NUDT6: variants seen among roughly 807,000 people sequenced by gnomAD.
NUDT6 encodes nudix hydrolase 6, also known as FAD diphosphatase NUDT6.
NUDT6 carries 24 observed loss-of-function variants against 36.8 expected under a neutral mutation model. That is an observed-to-expected ratio of 0.65 (90% CI 0.47 to 0.92). The LOEUF (loss-of-function observed/expected upper bound fraction) is 0.92. Ranked by LOEUF, NUDT6 falls within the 40% of genes least tolerant of loss-of-function variation. NUDT6 has a pLI of 0.00. For synonymous variants in NUDT6, 163 were observed against 157.0 expected (o/e 1.04, Z -0.29); for missense variants, 388 against 392.8 (o/e 0.99, Z 0.10).
chr4:122,899,291 A>C (rs1309989454), intron 3 of NUDT6, among the ~76,000 whole-genome samples: 1 of 152,118 alleles, frequency 6.6e-6, no homozygotes, highest in East Asian at 1.9e-4. Context: ...AGAGATTGTT[A>C]ATTAAATCTG....
intron 3 of NUDT6, 58 bp from the exon 4 acceptor site, chr4:122,897,736 T>C (rs1459041515): frequency 3.5e-6 from 4 of 1,150,204 alleles, no homozygotes; most frequent in East Asian, 2.4e-5. Context: ...CACACATATG[T>C]AGATTTCACA....
At chr4:122,897,599 A>T in intron 4 of NUDT6, 25 bp downstream of exon 4, 1 of 1,498,244 alleles carries the variant, frequency 6.7e-7, no homozygotes. Flanking sequence ...TTTTTAAGCC[A>T]ATTAAAAATA....
rs201756886 is a variant in NUDT6, at chr4:122,922,514, G to A, written c.59C>T (p.Pro20Leu). The change falls in exon 1 of 5, where the codon CCC (proline) becomes CTC (leucine). Residue 20 changes from proline (P) to leucine (L), a missense_variant. Pro to Leu is a moderately conservative substitution (Grantham distance 98). Coordinates refer to ENST00000304430, the MANE Select transcript of NUDT6 (RefSeq NM_007083.5). ...WRAMLARTYG[P>L]GPSAGYRWAS... ...CCAGCGGTAACCCGCCGAAGGCCCG[G>A]GGCCGTAGGTTCGGGCAAGCATCGC... The A allele has an allele frequency of 3.3e-4, 529 of 1,608,938 alleles. 1 individual carries two copies. In the African/African-American group the frequency reaches 3.8e-3, roughly 12 times the overall value.
intron 4 of NUDT6, 194 bp from the exon 5 acceptor site, chr4:122,893,419 A>G (rs1727251342): frequency 4.1e-6 from 2 of 491,092 alleles, no homozygotes; most frequent in Non-Finnish European, 6.9e-6. Flanking sequence ...TGTAAATTCA[A>G]GAAGCTTTTG....
Position 122,917,501 on chromosome 4 carries a change from C to T in NUDT6, c.442G>A (p.Gly148Arg). The T allele has an allele frequency of 6.2e-7, 1 of 1,613,656 alleles. No homozygotes were observed. Among genetic ancestry groups the T allele is most frequent in the South Asian group, 1.1e-5 (1 of 91,062 alleles). Residue 148 changes from glycine (G) to arginine (R), a missense_variant and splice_region_variant, in exon 2 of 5, where the codon GGA becomes AGA. By Grantham distance (125) the Gly-to-Arg change is moderately radical. Coordinates refer to ENST00000304430, the MANE Select transcript of NUDT6 (RefSeq NM_007083.5). ...TGCTCATCATGAGTTTGAAACTGAC[C>T]TGCAACTCCTACTTGATGTGAAGCA... Reference protein sequence around the residue: ...GYASHQVGVAGAVFDESTRKI... With the variant: ...GYASHQVGVARAVFDESTRKI...
At chr4:122,906,413 T>C (rs1449141388) in intron 3 of NUDT6, among the ~76,000 whole-genome samples, 1 of 152,178 alleles carries the variant, frequency 6.6e-6, no homozygotes, top group Admixed American at 6.5e-5. Flanking sequence ...AATACTTCTG[T>C]TTCCATCTGT....
intron 3 of NUDT6, among the ~76,000 whole-genome samples, chr4:122,899,044 A>ATTGTTTTTTTTTTTTTTTTTTT (rs1727451588): frequency 1.4e-5 from 1 of 69,428 alleles, no homozygotes; most frequent in Non-Finnish European, 3.0e-5. Context: ...ACCACACCTA[A>ATTGTTTTTTTTTTTTTTTTTTT]TTTTTTTTTT....
chr4:122,895,632 G>A (rs939812850), intron 4 of NUDT6: 2 of 152,068 alleles, frequency 1.3e-5, no homozygotes, highest in African/African-American at 2.4e-5. Flanking sequence ...TTAATCTTGT[G>A]GATACCTTTA....
chr4:122,905,487 A>G (rs754465048), intron 3 of NUDT6, among the ~76,000 whole-genome samples: 8 of 152,158 alleles, frequency 5.3e-5, no homozygotes, highest in Non-Finnish European at 1.2e-4. Context: ...ATTCATATGT[A>G]TGTCTGTGTG....
chr4:122,907,447 T>G (rs115576613), intron 3 of NUDT6, among the ~76,000 whole-genome samples: 1 of 86,256 alleles, frequency 1.2e-5, no homozygotes, highest in Admixed American at 1.3e-4. Flanking sequence ...TTTCTTTACT[T>G]TCTTTTTTTT....
At chr4:122,917,220 GTTAATCTC>G (rs2150810035) in intron 2 of NUDT6, among the ~76,000 whole-genome samples, 1 of 152,160 alleles carries the variant, frequency 6.6e-6, no homozygotes, top group East Asian at 1.9e-4. Flanking sequence ...GTTAGTTACT[GTTAATCTC>G]TTACTGTGCC....
At chr4:122,915,577 G>A (rs1214743322) in intron 2 of NUDT6, among the ~76,000 whole-genome samples, 2 of 151,248 alleles carry the variant, frequency 1.3e-5, no homozygotes, top group Admixed American at 1.3e-4. Context: ...CCTAGTTAGT[G>A]TTCAAGATTG....
chr4:122,916,367 C>T (rs184243072), intron 2 of NUDT6, among the ~76,000 whole-genome samples: 143 of 152,212 alleles, frequency 9.4e-4, no homozygotes, highest in African/African-American at 2.3e-3. Flanking sequence ...TTAAATTACA[C>T]GATTTTAAAC....
chr4:122,912,527 T>TA, intron 3 of NUDT6, 41 bp downstream of exon 3: 1 of 1,379,482 alleles, frequency 7.2e-7, no homozygotes, highest in Non-Finnish European at 1.0e-6. Flanking sequence ...TAGAAAGAAA[T>TA]AAACATTTAG....
chr4:122,898,483 C>T (rs1027648796), intron 3 of NUDT6, among the ~76,000 whole-genome samples: 1 of 152,088 alleles, frequency 6.6e-6, no homozygotes, highest in African/African-American at 2.4e-5. Context: ...GGAGCTGTAC[C>T]TTTGGCTAGT....
chr4:122,903,215 C>G (rs1278517266), intron 3 of NUDT6, among the ~76,000 whole-genome samples: 1 of 152,054 alleles, frequency 6.6e-6, no homozygotes, highest in Non-Finnish European at 1.5e-5. Flanking sequence ...AAAATCAAAA[C>G]CCTACTTAGG....
chr4:122,913,965 A>G (rs370837865), intron 2 of NUDT6, among the ~76,000 whole-genome samples: 1 of 152,192 alleles, frequency 6.6e-6, no homozygotes, highest in Admixed American at 6.5e-5. Context: ...GAGTTCCTCT[A>G]TATAATGTAC....
chr4:122,912,466 C>T (rs1727749664), intron 3 of NUDT6, 102 bp downstream of exon 3: 2 of 792,530 alleles, frequency 2.5e-6, no homozygotes, highest in African/African-American at 1.8e-5. Flanking sequence ...TTTTAAAATA[C>T]CTTTCTATAA....
intron 2 of NUDT6, among the ~76,000 whole-genome samples, chr4:122,915,675 A>G (rs1339727547): frequency 4.6e-5 from 7 of 152,166 alleles, no homozygotes; most frequent in Non-Finnish European, 7.3e-5. Flanking sequence ...AGTTATCAAC[A>G]GGCCCTTCAT....
Sources: allele counts gnomAD v4.1 joint callset (sites outside exome capture counted in the v4.1 genomes callset), GRCh38; gene constraint gnomAD v4.1.1; transcripts MANE v1.5; gene names NCBI Gene and HGNC (gene_info 2026-07-23, HGNC 2026-07-21).